Variants in MYCBP2 observed in about 807,000 individuals in gnomAD.
MYCBP2 encodes the protein E3 ubiquitin-protein ligase MYCBP2.
MYCBP2 carries 120 observed loss-of-function variants against 525.3 expected under a neutral mutation model. That is an observed-to-expected ratio of 0.23 (90% confidence interval 0.20 to 0.27). MYCBP2 has a LOEUF of 0.27. Ranked by LOEUF, MYCBP2 falls within the 10% of genes least tolerant of loss-of-function variation. The pLI is 1.00. For synonymous variants in MYCBP2, 1,894 were observed against 1,955.8 expected, an observed-to-expected ratio of 0.97 and a Z score of 0.83; for missense variants, 4,149 against 5,657.1, an observed-to-expected ratio of 0.73 and a Z score of 8.55.
rs993335284 is a variant in MYCBP2 at position 77,155,084 on chromosome 13, A to G, written c.6915+974T>C. Among the ~76,000 whole-genome samples, 4 of 152,124 alleles carry G rather than the reference A, an allele frequency of 2.6e-5. 1 individual carries two copies. Among genetic ancestry groups the G allele is most frequent in the Non-Finnish European group, 5.9e-5 (4 of 67,944 alleles). ...AAAATTCTGACTATGGATCATGGCC[A>G]AATATTTGAAAGATACTGCTAAAAG... On this transcript the variant is annotated intron_variant, in intron 46 of 82. Transcript: ENST00000544440.
rs2048122857 is a variant in MYCBP2, at chr13:77,108,058, A to G, written c.8141-9045T>C. ...TTTACATAAATGTTAGTATACTAAA[A>G]GAATCATGCTAATAGAATGAAAGAA... On this transcript the variant is annotated intron_variant, in intron 55 of 82. Transcript: ENST00000544440. 2.6e-5 allele frequency among the ~76,000 whole-genome samples: 4 copies of G among 152,224 alleles called. No homozygotes were observed. In the South Asian group the frequency reaches 8.3e-4, roughly 31 times the overall value.
At chr13:77,292,540 AG>A (rs1461503709) in intron 2 of MYCBP2, among the ~76,000 whole-genome samples, 1 of 151,868 alleles carries the variant, frequency 6.6e-6, no homozygotes, top group Non-Finnish European at 1.5e-5. Context: ...TAAAAAAAAA[AG>A]AGCACTCACA....
intron 31 of MYCBP2, 102 bp from the exon 32 acceptor site, chr13:77,185,479 A>G: frequency 1.7e-6 from 2 of 1,201,020 alleles, no homozygotes; most frequent in Non-Finnish European, 2.3e-6. Flanking sequence ...AAGTATCACA[A>G]GTACTAATAT....
In MYCBP2 at chr13:77,278,809, G is replaced by A; in HGVS notation, c.697C>T (p.Leu233=). 1.3e-6 allele frequency: 2 copies of A among 1,595,630 alleles called. No individual in the cohort carries two copies. The highest frequency in any genetic ancestry group is 1.7e-6 in the Non-Finnish European group (2 of 1,171,492). ...LRSLQALLNV[L]QGQQPEGLQS... is the part of the protein sequence containing the mutation. Reference sequence around the variant, plus strand: ...AGGCCTTCTGGCTGCTGGCCCTGCAGCACGTTGAGCAGGGCTTGGAGACTC... The same window carrying A: ...AGGCCTTCTGGCTGCTGGCCCTGCAACACGTTGAGCAGGGCTTGGAGACTC... Residue 233 remains leucine (L), a synonymous_variant, in exon 4 of 83, where the codon CTG becomes TTG. Transcript: ENST00000544440.
intron 3 of MYCBP2, among the ~76,000 whole-genome samples, chr13:77,280,716 A>G (rs2076102732): frequency 6.6e-6 from 1 of 152,222 alleles, no homozygotes; most frequent in African/African-American, 2.4e-5. Flanking sequence ...ATAACAAGTG[A>G]ATGGCAATAG....
intron 44 of MYCBP2, among the ~76,000 whole-genome samples, chr13:77,158,399 C>T (rs1332591414): frequency 6.6e-6 from 1 of 152,056 alleles, no homozygotes; most frequent in Non-Finnish European, 1.5e-5. Context: ...ATGTTATGTC[C>T]TCATTTTTCA....
chr13:77,091,308 C>T (rs1315231115), intron 59 of MYCBP2, among the ~76,000 whole-genome samples: 1 of 151,724 alleles, frequency 6.6e-6, no homozygotes, highest in East Asian at 1.9e-4. Flanking sequence ...TACAGGGAAA[C>T]ATTAACTTAA....
intron 12 of MYCBP2, among the ~76,000 whole-genome samples, chr13:77,260,848 T>C (rs2073147725): frequency 6.6e-6 from 1 of 152,170 alleles, no homozygotes; most frequent in South Asian, 2.1e-4. Flanking sequence ...CAGTGAGTAA[T>C]ATTAGTTTTC....
chr13:77,179,388 C>G (rs2060006790), intron 34 of MYCBP2, among the ~76,000 whole-genome samples: 1 of 152,026 alleles, frequency 6.6e-6, no homozygotes, highest in Non-Finnish European at 1.5e-5. Context: ...GAGGAAAAAA[C>G]AGAAACATTC....
At chr13:77,191,542 A>T in intron 28 of MYCBP2, 137 bp downstream of exon 28, 2 of 1,018,770 alleles carry the variant, frequency 2.0e-6, no homozygotes, top group Non-Finnish European at 2.8e-6. Flanking sequence ...GGTTACATGA[A>T]TTTAATTTTT....
At chr13:77,171,099 A>G (rs2059100818) in intron 38 of MYCBP2, among the ~76,000 whole-genome samples, 1 of 152,184 alleles carries the variant, frequency 6.6e-6, no homozygotes, top group African/African-American at 2.4e-5. Flanking sequence ...CATAGAGCTG[A>G]ATTTAGACAA....
rs116927180 is a variant in MYCBP2 at position 77,161,403 on chromosome 13, A to C, written c.6597+503T>G. Among the ~76,000 whole-genome samples, 41 of 152,320 alleles carry C rather than the reference A, an allele frequency of 2.7e-4. No individual in the cohort carries two copies. In the East Asian group the frequency reaches 6.9e-3, roughly 26 times the overall value. ...AAAAGGTAAAGCAAACAATAATAAA[A>C]ACAACAAATGATGGCTCCCAATTGT... On this transcript the variant is annotated intron_variant, in intron 44 of 82. Transcript: ENST00000544440.
In MYCBP2 at chr13:77,309,335, C is replaced by T. The variant is rs867688717; in HGVS notation, c.303-12661G>A. 3.9e-5 allele frequency among the ~76,000 whole-genome samples: 6 copies of T among 152,244 alleles called. No homozygotes were observed. The South Asian group carries it at 1.0e-3, about 26-fold the overall frequency. On this transcript the variant is annotated intron_variant, in intron 1 of 82. Coordinates refer to ENST00000544440, the MANE Select transcript of MYCBP2 (RefSeq NM_015057.5). ...CAGTTTGTGAGTGACAGTATGTTCACGAGGAGACTTTGAATATACTGAACA... is the reference window on the plus strand; with the variant it reads ...CAGTTTGTGAGTGACAGTATGTTCATGAGGAGACTTTGAATATACTGAACA...
intron 28 of MYCBP2, among the ~76,000 whole-genome samples, chr13:77,191,308 CTG>C (rs1326231963): frequency 6.6e-6 from 1 of 152,194 alleles, no homozygotes; most frequent in African/African-American, 2.4e-5. Flanking sequence ...AAATTTTAAA[CTG>C]TTTTCTCATG....
At chr13:77,205,908 T>C (rs1372968553) in intron 24 of MYCBP2, among the ~76,000 whole-genome samples, 1 of 152,182 alleles carries the variant, frequency 6.6e-6, no homozygotes, top group Non-Finnish European at 1.5e-5. Context: ...AGTTTGATTC[T>C]TAAAGTGCTA....
intron 18 of MYCBP2, among the ~76,000 whole-genome samples, 195 bp downstream of exon 18, chr13:77,232,961 C>T (rs541824279): frequency 1.3e-5 from 2 of 152,120 alleles, no homozygotes; most frequent in Middle Eastern, 3.4e-3. Context: ...TGAAAGCTAA[C>T]GACAACAAAA....
chr13:77,066,144 T>C (rs999056052), intron 71 of MYCBP2, 56 bp from the exon 72 acceptor site: 3 of 1,148,534 alleles, frequency 2.6e-6, no homozygotes, highest in East Asian at 2.4e-5. Flanking sequence ...TAGTAACAAA[T>C]GAAAAAGATG....
chr13:77,110,244 G>T (rs2048576650), intron 55 of MYCBP2: 1 of 154,950 alleles, frequency 6.5e-6, no homozygotes, highest in Non-Finnish European at 1.4e-5. Context: ...CCTAAGAAAA[G>T]AATTGCATTC....
intron 3 of MYCBP2, among the ~76,000 whole-genome samples, chr13:77,280,857 TA>T (rs1350494235): frequency 1.3e-5 from 2 of 152,240 alleles, no homozygotes; most frequent in African/African-American, 4.8e-5. Flanking sequence ...TCTCACTAAT[TA>T]TCCACATCTT....
Sources: gnomAD v4.1 joint callset for allele counts (sites outside exome capture counted in the v4.1 genomes callset) on GRCh38, gnomAD v4.1.1 for gene constraint, MANE v1.5 for transcripts, NCBI Gene and HGNC (gene_info 2026-07-23, HGNC 2026-07-21) for gene names.